The following MAGI1 variants were observed in gnomAD, a reference collection of about 807,000 sequenced individuals.
MAGI1 encodes membrane associated guanylate kinase, WW and PDZ domain containing 1.
A neutral mutation model predicts 139.9 loss-of-function variants in MAGI1; 58 were observed. The observed-to-expected ratio is 0.41, with a 90% confidence interval of 0.34 to 0.52. MAGI1 has a LOEUF of 0.52. Among genes scored for constraint, MAGI1 ranks in the 20% least tolerant of loss-of-function variants. The pLI, the probability that MAGI1 is intolerant of heterozygous loss-of-function variation, is 0.12. For synonymous variants in MAGI1, 812 were observed against 737.9 expected (o/e 1.10, Z -1.63); for missense variants, 1,874 against 1,901.6 (o/e 0.99, Z 0.27).
intron 12 of MAGI1, among the ~76,000 whole-genome samples, chr3:65,422,142 T>G (rs976440001): frequency 2.6e-5 from 4 of 152,238 alleles, no homozygotes; most frequent in Admixed American, 6.5e-5. Flanking sequence ...CTGTCTACAC[T>G]GTCCTATATC....
chr3:65,664,801 G>A (rs946236318), intron 1 of MAGI1, among the ~76,000 whole-genome samples: 6 of 152,258 alleles, frequency 3.9e-5, no homozygotes, highest in African/African-American at 9.6e-5. Context: ...GTGAACAAAT[G>A]TGCTTTTTAC....
At chr3:65,740,193 C>T (rs559661861) in intron 1 of MAGI1, among the ~76,000 whole-genome samples, 2 of 152,292 alleles carry the variant, frequency 1.3e-5, no homozygotes, top group South Asian at 4.1e-4. Context: ...CAGGAAACAC[C>T]ACAAATCAAT....
At chr3:65,751,641 G>A (rs1194633297) in intron 1 of MAGI1, among the ~76,000 whole-genome samples, 4 of 152,214 alleles carry the variant, frequency 2.6e-5, no homozygotes, top group African/African-American at 9.6e-5. Flanking sequence ...AAATGTCACT[G>A]AAGAATGGTC....
chr3:65,561,699 T>C (rs993493918), intron 2 of MAGI1, among the ~76,000 whole-genome samples: 5 of 152,234 alleles, frequency 3.3e-5, no homozygotes, highest in African/African-American at 9.6e-5. Flanking sequence ...ATGTGATATT[T>C]ACCACCTTCA....
At chr3:65,961,499 T>G (rs2107087061) in intron 1 of MAGI1, among the ~76,000 whole-genome samples, 1 of 152,264 alleles carries the variant, frequency 6.6e-6, no homozygotes, top group Non-Finnish European at 1.5e-5. Context: ...GGAAAACATG[T>G]AAAAACCCCC....
intron 1 of MAGI1, among the ~76,000 whole-genome samples, chr3:65,754,796 G>C (rs1245916129): frequency 1.3e-5 from 2 of 152,148 alleles, no homozygotes; most frequent in East Asian, 3.8e-4. Context: ...CCAAATCGGA[G>C]ACTAAATCTT....
intron 2 of MAGI1, among the ~76,000 whole-genome samples, chr3:65,545,972 T>TCTCA (rs1287044973): frequency 3.4e-5 from 5 of 147,872 alleles, no homozygotes; most frequent in African/African-American, 1.3e-4. Context: ...TGGGGTATGA[T>TCTCA]CTCACACACA....
At chr3:65,531,643 C>G (rs1464306779) in intron 2 of MAGI1, among the ~76,000 whole-genome samples, 1 of 152,114 alleles carries the variant, frequency 6.6e-6, no homozygotes, top group Admixed American at 6.6e-5. Flanking sequence ...TCAGATGAAG[C>G]ACTTAGGGCA....
intron 1 of MAGI1, among the ~76,000 whole-genome samples, chr3:65,636,100 G>C (rs748260493): frequency 6.6e-6 from 1 of 152,104 alleles, no homozygotes; most frequent in Non-Finnish European, 1.5e-5. Context: ...ACAAGTAATC[G>C]CCATGGTCCC....
chr3:65,992,174 G>C (rs762691751), intron 1 of MAGI1, among the ~76,000 whole-genome samples: 16 of 152,150 alleles, frequency 1.1e-4, no homozygotes, highest in Non-Finnish European at 2.2e-4. Context: ...GAAGTTGTAG[G>C]AGAATCAGAT....
intron 1 of MAGI1, chr3:65,874,899 A>G (rs983123426): frequency 6.6e-6 from 1 of 152,668 alleles, no homozygotes; most frequent in Admixed American, 6.5e-5. Context: ...ATGTATCTAT[A>G]GAATGGAACA....
chr3:65,641,739 CCTGA>C (rs940644849), intron 1 of MAGI1, among the ~76,000 whole-genome samples: 135 of 152,230 alleles, frequency 8.9e-4, no homozygotes, highest in African/African-American at 3.1e-3. Context: ...TTCTGCCTGC[CCTGA>C]CTAAGGAAGA....
At chr3:65,516,718 CTTTTTTTTTTT>C (rs71102867) in intron 2 of MAGI1, among the ~76,000 whole-genome samples, 1 of 66,978 alleles carries the variant, frequency 1.5e-5, no homozygotes, top group South Asian at 7.2e-4. Flanking sequence ...CATCCCACCT[CTTTTTTTTTTT>C]TTTTTTTTTT....
chr3:66,031,970 G>A (rs1172086945), intron 1 of MAGI1, among the ~76,000 whole-genome samples: 2 of 152,154 alleles, frequency 1.3e-5, no homozygotes, highest in Non-Finnish European at 2.9e-5. Context: ...AGAAATACTT[G>A]AATAGGATTC....
intron 1 of MAGI1, among the ~76,000 whole-genome samples, chr3:65,750,008 A>G (rs2036014724): frequency 6.6e-6 from 1 of 152,152 alleles, no homozygotes; most frequent in South Asian, 2.1e-4. Context: ...GCAGCACAAC[A>G]AACGAGGAAA....
intron 1 of MAGI1, among the ~76,000 whole-genome samples, chr3:65,862,702 G>C (rs13091635): frequency 0.02 from 3,005 of 152,292 alleles, 42 homozygotes; most frequent in Non-Finnish European, 0.029. Context: ...CTCATCACAA[G>C]TGTGCATAGT....
intron 1 of MAGI1, among the ~76,000 whole-genome samples, chr3:65,775,502 C>CAAAAA (rs9311958): frequency 2.7e-5 from 1 of 36,594 alleles, no homozygotes. Flanking sequence ...CCCACTCTGC[C>CAAAAA]AAAAAAAAAA....
intron 2 of MAGI1, among the ~76,000 whole-genome samples, chr3:65,566,435 CTT>C (rs149707172): frequency 2.1e-5 from 3 of 144,704 alleles, no homozygotes; most frequent in African/African-American, 5.0e-5. Context: ...TTTTGCTCAC[CTT>C]TTTTTTTTTT....
chr3:65,726,289 T>G (rs1576901763), intron 1 of MAGI1, among the ~76,000 whole-genome samples: 1 of 152,198 alleles, frequency 6.6e-6, no homozygotes, highest in Admixed American at 6.5e-5. Context: ...ATGAGAAACT[T>G]TGATTTTGAA....
Sources: allele counts gnomAD v4.1 joint callset (sites outside exome capture counted in the v4.1 genomes callset), GRCh38; gene constraint gnomAD v4.1.1; transcripts MANE v1.5; gene names NCBI Gene and HGNC (gene_info 2026-07-23, HGNC 2026-07-21).